The following BAZ2B variants were observed in gnomAD, a reference collection of about 807,000 sequenced individuals.
BAZ2B encodes bromodomain adjacent to zinc finger domain protein 2B.
Under a neutral mutation model 246.0 loss-of-function variants are expected in BAZ2B, and 91 were observed. That is an observed-to-expected ratio of 0.37 (90% CI 0.31 to 0.44). The LOEUF (loss-of-function observed/expected upper bound fraction) is 0.44, where lower values mean the gene tolerates loss of function less well. Among genes scored for constraint, BAZ2B ranks in the 20% least tolerant of loss-of-function variants. The pLI is 1.00. For synonymous variants in BAZ2B, 855 were observed against 860.0 expected (o/e 0.99, Z 0.10); for missense variants, 2,332 against 2,533.7 (o/e 0.92, Z 1.71).
the BAZ2B span, among the ~76,000 whole-genome samples, chr2:159,668,690 A>G: frequency 7.1e-3 from 1,072 of 151,880 alleles, 8 homozygotes; most frequent in Middle Eastern, 0.055. Flanking sequence ...TCTTCCTTCT[A>G]CTTAGTTTAG....
intron 1 of BAZ2B, among the ~76,000 whole-genome samples, chr2:159,568,618 AACAGT>A (rs752782826): frequency 2.6e-5 from 4 of 152,240 alleles, no homozygotes; most frequent in Non-Finnish European, 5.9e-5. Context: ...ATTCTCTTTC[AACAGT>A]GTTAGCTAAG....
At chr2:159,690,168 T>C in the BAZ2B span, 262 of 473,548 alleles carry the variant, frequency 5.5e-4, 1 homozygote, top group Middle Eastern at 6.5e-4. Context: ...GTTCCTTGGA[T>C]CCTGGTGACT....
intron 33 of BAZ2B, among the ~76,000 whole-genome samples, chr2:159,335,666 G>C (rs934817875): frequency 6.6e-6 from 1 of 151,914 alleles, no homozygotes. Context: ...AACCATAGAA[G>C]AAACGTAATT....
At chr2:159,608,742 T>C (rs1052587808) in intron 1 of BAZ2B, among the ~76,000 whole-genome samples, 2 of 152,160 alleles carry the variant, frequency 1.3e-5, no homozygotes, top group African/African-American at 4.8e-5. Context: ...TAAAACACAA[T>C]GCATCATCCT....
the BAZ2B span, among the ~76,000 whole-genome samples, chr2:159,709,272 T>C: frequency 2.7e-4 from 41 of 151,028 alleles, no homozygotes; most frequent in African/African-American, 1.0e-3. Context: ...GACAGTAGAA[T>C]GATAGTTATC....
chr2:159,630,208 A>G, the BAZ2B span, among the ~76,000 whole-genome samples: 1 of 152,222 alleles, frequency 6.6e-6, no homozygotes, highest in African/African-American at 2.4e-5. Context: ...CTGTAATCCC[A>G]GTGCTTTGGG....
At chr2:159,650,316 C>CT in the BAZ2B span, among the ~76,000 whole-genome samples, 2 of 151,416 alleles carry the variant, frequency 1.3e-5, no homozygotes, top group South Asian at 2.1e-4. Flanking sequence ...GATTCCTGGG[C>CT]TTTTTTTCTG....
At chr2:159,656,345 A>G in the BAZ2B span, among the ~76,000 whole-genome samples, 2 of 152,112 alleles carry the variant, frequency 1.3e-5, no homozygotes, top group African/African-American at 2.4e-5. Flanking sequence ...ATTATTAACT[A>G]AAGTTACAGA....
At chr2:159,682,105 A>G in the BAZ2B span, among the ~76,000 whole-genome samples, 1 of 151,550 alleles carries the variant, frequency 6.6e-6, no homozygotes, top group African/African-American at 2.4e-5. Flanking sequence ...ATCAATGGCA[A>G]TCCTATAGGA....
At chr2:159,483,922 G>A (rs2079533759) in intron 2 of BAZ2B, among the ~76,000 whole-genome samples, 1 of 152,074 alleles carries the variant, frequency 6.6e-6, no homozygotes, top group African/African-American at 2.4e-5. Flanking sequence ...TGAACCATGG[G>A]AGAAATATGT....
At chr2:159,494,005 C>G (rs1012709669) in intron 2 of BAZ2B, among the ~76,000 whole-genome samples, 4 of 152,190 alleles carry the variant, frequency 2.6e-5, no homozygotes, top group Non-Finnish European at 5.9e-5. Context: ...GAAACTAAAG[C>G]CTAGGTATTC....
intron 13 of BAZ2B, among the ~76,000 whole-genome samples, chr2:159,425,572 A>T (rs1437906534): frequency 3.3e-5 from 5 of 152,188 alleles, no homozygotes; most frequent in African/African-American, 1.2e-4. Context: ...CTTTGTTATC[A>T]CCATTACATC....
the BAZ2B span, among the ~76,000 whole-genome samples, chr2:159,655,265 T>C: frequency 4.2e-4 from 64 of 152,288 alleles, no homozygotes; most frequent in East Asian, 3.9e-4. Flanking sequence ...TGTTTTTATT[T>C]TCTTGGAAAC....
rs542455301 is a variant in BAZ2B, at chr2:159,400,837, G to A, written c.2833-173C>T. ...GGGCGGATCACAAGGTCAGGAGATC[G>A]AGACCATCCTGGCTAACACAGTGAA... On this transcript the variant is annotated intron_variant, in intron 16 of 36. Transcript: ENST00000392783. 3.3e-5 allele frequency among the ~76,000 whole-genome samples: 5 copies of A among 152,170 alleles called. No homozygotes were observed. The East Asian group carries it at 5.8e-4, about 18-fold the overall frequency.
intron 27 of BAZ2B, among the ~76,000 whole-genome samples, chr2:159,355,778 A>G (rs2059042463): frequency 6.6e-6 from 1 of 152,016 alleles, no homozygotes. Context: ...TGCATTTCCA[A>G]CTGAGGTACT....
At chr2:159,513,223 ATT>A (rs2151198941) in intron 2 of BAZ2B, among the ~76,000 whole-genome samples, 1 of 152,296 alleles carries the variant, frequency 6.6e-6, no homozygotes, top group Admixed American at 6.5e-5. Context: ...ACCCAGAATA[ATT>A]TTGTTCTTTG....
chr2:159,427,915 G>T (rs375516874), intron 13 of BAZ2B, 26 bp downstream of exon 13: 10 of 1,587,054 alleles, frequency 6.3e-6, no homozygotes, highest in East Asian at 2.2e-5. Context: ...TTGGTTCAAA[G>T]ACTATACTTT....
chr2:159,683,296 G>C, the BAZ2B span, among the ~76,000 whole-genome samples: 1 of 152,060 alleles, frequency 6.6e-6, no homozygotes, highest in Non-Finnish European at 1.5e-5. Context: ...CTCCAGGCTG[G>C]TCTCAAACTC....
chr2:159,387,526 T>C (rs575180310), intron 21 of BAZ2B, among the ~76,000 whole-genome samples: 4 of 152,302 alleles, frequency 2.6e-5, no homozygotes, highest in Middle Eastern at 3.4e-3. Flanking sequence ...AGGTAACCAA[T>C]TGAAGACTTT....
Sources: gnomAD v4.1 joint callset for allele counts (sites outside exome capture counted in the v4.1 genomes callset) on GRCh38, gnomAD v4.1.1 for gene constraint, MANE v1.5 for transcripts, NCBI Gene and HGNC (gene_info 2026-07-23, HGNC 2026-07-21) for gene names.